FHIT: variants seen among roughly 807,000 people sequenced by gnomAD.
FHIT encodes bis(5'-adenosyl)-triphosphatase.
A neutral mutation model predicts 17.9 loss-of-function variants in FHIT; 19 were observed. The ratio of observed to expected loss-of-function variants is 1.06; its 90% CI spans 0.74 to 1.56. The LOEUF (loss-of-function observed/expected upper bound fraction) is 1.56, where lower values mean the gene tolerates loss of function less well. Among genes scored for constraint, FHIT ranks in the 40% most tolerant of loss-of-function variants. The probability of loss-of-function intolerance (pLI) is 0.00; values close to 1 mark genes in which losing one functional copy is unlikely to be tolerated. For synonymous variants in FHIT, 81 were observed against 69.7 expected (o/e 1.16, Z -0.81); for missense variants, 248 against 189.2 (o/e 1.31, Z -1.82).
At chr3:60,107,755 T>C (rs932137642) in intron 5 of FHIT, among the ~76,000 whole-genome samples, 2 of 152,230 alleles carry the variant, frequency 1.3e-5, no homozygotes, top group African/African-American at 4.8e-5. Context: ...TGAGGTCTGA[T>C]ATCATCTGTT....
At chr3:60,707,129 G>A (rs370388141) in intron 4 of FHIT, among the ~76,000 whole-genome samples, 4 of 152,142 alleles carry the variant, frequency 2.6e-5, no homozygotes, top group African/African-American at 4.8e-5. Context: ...GCACCTCTGC[G>A]GTAAGTGGCA....
At chr3:60,344,201 G>A (rs780370223) in intron 5 of FHIT, among the ~76,000 whole-genome samples, 14 of 152,100 alleles carry the variant, frequency 9.2e-5, no homozygotes, top group Admixed American at 2.0e-4. Flanking sequence ...CTGATGGGTA[G>A]CATTTGATTG....
intron 8 of FHIT, among the ~76,000 whole-genome samples, chr3:59,773,475 C>T (rs1237855734): frequency 6.6e-6 from 1 of 152,210 alleles, no homozygotes; most frequent in Non-Finnish European, 1.5e-5. Context: ...TGGTTGCATG[C>T]TTTGACTCAC....
chr3:59,823,170 A>G (rs1486675186), intron 8 of FHIT, among the ~76,000 whole-genome samples: 3 of 151,974 alleles, frequency 2.0e-5, no homozygotes, highest in Non-Finnish European at 2.9e-5. Context: ...GCCTATTTTT[A>G]ACCATGCTGT....
At chr3:60,408,331 T>A (rs575954614) in intron 5 of FHIT, among the ~76,000 whole-genome samples, 1 of 152,052 alleles carries the variant, frequency 6.6e-6, no homozygotes, top group Non-Finnish European at 1.5e-5. Flanking sequence ...CAAAGTCCCA[T>A]TGTCAGACCC....
At chr3:60,578,066 G>A (rs534020136) in intron 4 of FHIT, among the ~76,000 whole-genome samples, 13 of 152,184 alleles carry the variant, frequency 8.5e-5, no homozygotes, top group East Asian at 3.9e-4. Context: ...CTTGTCTTCC[G>A]AAATCTGTTT....
At chr3:61,122,085 C>A (rs1033705681) in intron 2 of FHIT, among the ~76,000 whole-genome samples, 1 of 152,098 alleles carries the variant, frequency 6.6e-6, no homozygotes, top group East Asian at 1.9e-4. Context: ...GGAGGCATCA[C>A]GCTACCTGAC....
intron 4 of FHIT, among the ~76,000 whole-genome samples, chr3:60,622,143 G>A (rs1290138121): frequency 4.6e-5 from 7 of 152,068 alleles, no homozygotes; most frequent in Admixed American, 2.0e-4. Context: ...TTGAAAACCC[G>A]GGCAAGCCTC....
intron 9 of FHIT, 57 bp from the exon 10 acceptor site, chr3:59,749,636 C>G (rs2106712912): frequency 4.3e-6 from 1 of 230,692 alleles, no homozygotes; most frequent in South Asian, 1.8e-4. Context: ...GAAATCTTCT[C>G]TGTAGGAACA....
At chr3:60,573,602 A>C (rs1455804783) in intron 4 of FHIT, among the ~76,000 whole-genome samples, 1 of 152,074 alleles carries the variant, frequency 6.6e-6, no homozygotes. Flanking sequence ...CAGCTCTAAG[A>C]AGCAGGAGAA....
At chr3:60,507,615 C>T (rs1489187354) in intron 5 of FHIT, among the ~76,000 whole-genome samples, 1 of 152,094 alleles carries the variant, frequency 6.6e-6, no homozygotes, top group Non-Finnish European at 1.5e-5. Flanking sequence ...TATTTCATCA[C>T]CCAGGTATTA....
intron 2 of FHIT, among the ~76,000 whole-genome samples, chr3:61,154,473 T>C (rs2037479801): frequency 6.7e-6 from 1 of 149,194 alleles, no homozygotes; most frequent in South Asian, 2.1e-4. Context: ...CAGAGAAATT[T>C]TGTTATTTTT....
intron 8 of FHIT, among the ~76,000 whole-genome samples, chr3:59,822,572 A>G (rs1336109728): frequency 6.6e-6 from 1 of 151,930 alleles, no homozygotes; most frequent in Non-Finnish European, 1.5e-5. Flanking sequence ...ATTTTTTCAT[A>G]TATTTTTTGA....
intron 3 of FHIT, among the ~76,000 whole-genome samples, chr3:60,993,608 T>C (rs2030437424): frequency 6.6e-6 from 1 of 152,192 alleles, no homozygotes; most frequent in South Asian, 2.1e-4. Context: ...TATGAAATCA[T>C]ATCCTAACTC....
intron 5 of FHIT, among the ~76,000 whole-genome samples, chr3:60,091,666 A>C (rs1183767579): frequency 6.6e-6 from 1 of 152,088 alleles, no homozygotes; most frequent in African/African-American, 2.4e-5. Flanking sequence ...GTTTCTCACG[A>C]ATGGTTTCGC....
chr3:60,634,222 A>T (rs2039520942), intron 4 of FHIT, among the ~76,000 whole-genome samples: 1 of 152,176 alleles, frequency 6.6e-6, no homozygotes, highest in Non-Finnish European at 1.5e-5. Context: ...AGATGCTGTT[A>T]GTCTCAACTC....
At chr3:60,931,954 T>C (rs141964673) in intron 3 of FHIT, among the ~76,000 whole-genome samples, 146 of 152,294 alleles carry the variant, frequency 9.6e-4, no homozygotes, top group Middle Eastern at 3.4e-3. Flanking sequence ...AAGGGTGTGA[T>C]ATGCACAATT....
intron 5 of FHIT, among the ~76,000 whole-genome samples, chr3:60,289,406 C>A (rs571285215): frequency 8.5e-5 from 13 of 152,140 alleles, no homozygotes; most frequent in African/African-American, 2.7e-4. Context: ...ATTTATAGCT[C>A]CAGAAAATAT....
intron 4 of FHIT, among the ~76,000 whole-genome samples, chr3:60,800,030 T>C (rs1459030758): frequency 6.6e-6 from 1 of 152,212 alleles, no homozygotes; most frequent in East Asian, 1.9e-4. Flanking sequence ...AGGCACATTC[T>C]GGACCTATCG....
Sources: allele counts gnomAD v4.1 joint callset (sites outside exome capture counted in the v4.1 genomes callset), GRCh38; gene constraint gnomAD v4.1.1; transcripts MANE v1.5; gene names NCBI Gene and HGNC (gene_info 2026-07-23, HGNC 2026-07-21).